Variants in NFIB observed in about 807,000 individuals in gnomAD.
NFIB encodes the protein nuclear factor I B.
In NFIB, 11 loss-of-function variants were observed where a neutral mutation model predicts 61.5. The ratio of observed to expected loss-of-function variants is 0.18; its 90% CI spans 0.11 to 0.30. NFIB has a LOEUF of 0.30. Among genes scored for constraint, NFIB ranks in the 10% least tolerant of loss-of-function variants. NFIB has a pLI of 1.00. For synonymous variants in NFIB, 260 were observed against 216.5 expected (o/e 1.20, Z -1.76); for missense variants, 471 against 608.9 (o/e 0.77, Z 2.38).
intron 1 of NFIB, among the ~76,000 whole-genome samples, chr9:14,369,503 C>T (rs1426910969): frequency 6.6e-6 from 1 of 151,946 alleles, no homozygotes; most frequent in African/African-American, 2.4e-5. Flanking sequence ...ATCTACCTAC[C>T]AGAGTCTTCA....
intron 2 of NFIB, among the ~76,000 whole-genome samples, chr9:14,187,569 T>C (rs2047518595): frequency 6.6e-6 from 1 of 152,180 alleles, no homozygotes; most frequent in Admixed American, 6.6e-5. Flanking sequence ...AGAGTAGATA[T>C]ACGATATATC....
At chr9:14,493,496 T>TA in the NFIB span, among the ~76,000 whole-genome samples, 1 of 152,338 alleles carries the variant, frequency 6.6e-6, no homozygotes, top group East Asian at 1.9e-4. Flanking sequence ...AATTCTCCCA[T>TA]AATAGCATCA....
the NFIB span, among the ~76,000 whole-genome samples, chr9:14,425,492 C>A: frequency 2.6e-5 from 4 of 151,940 alleles, no homozygotes; most frequent in African/African-American, 7.2e-5. Flanking sequence ...TTGTAGAGAT[C>A]TGGGGAAAAG....
chr9:14,278,816 C>T (rs184707074), intron 2 of NFIB, among the ~76,000 whole-genome samples: 1 of 152,200 alleles, frequency 6.6e-6, no homozygotes, highest in African/African-American at 2.4e-5. Flanking sequence ...TGTCACTTGT[C>T]CACTGTATTT....
At chr9:14,222,240 C>T (rs1337401374) in intron 2 of NFIB, among the ~76,000 whole-genome samples, 1 of 152,158 alleles carries the variant, frequency 6.6e-6, no homozygotes, top group Non-Finnish European at 1.5e-5. Context: ...CAAACACTGG[C>T]AGAAACTCCC....
At chr9:14,328,287 G>A (rs1318723462) in intron 1 of NFIB, among the ~76,000 whole-genome samples, 1 of 152,070 alleles carries the variant, frequency 6.6e-6, no homozygotes, top group East Asian at 1.9e-4. Context: ...GCCACCACAG[G>A]TGTGCACCAC....
intron 10 of NFIB, among the ~76,000 whole-genome samples, chr9:14,091,160 C>A (rs2033838072): frequency 6.6e-6 from 1 of 151,694 alleles, no homozygotes; most frequent in Admixed American, 6.6e-5. Flanking sequence ...ACTATGCAGA[C>A]CCCATATATG....
At chr9:14,173,594 G>A (rs567032910) in intron 3 of NFIB, among the ~76,000 whole-genome samples, 26 of 152,254 alleles carry the variant, frequency 1.7e-4, no homozygotes, top group Admixed American at 1.2e-3. Context: ...TCTGCTGGCT[G>A]AAAAATCTAC....
chr9:14,219,195 G>C (rs900405615), intron 2 of NFIB, among the ~76,000 whole-genome samples: 39 of 152,156 alleles, frequency 2.6e-4, no homozygotes, highest in African/African-American at 8.7e-4. Flanking sequence ...CATGTTTAAA[G>C]GAGTTTTGCA....
At chr9:14,347,297 C>A (rs999054612) in intron 1 of NFIB, 2 of 152,286 alleles carry the variant, frequency 1.3e-5, no homozygotes, top group East Asian at 1.9e-4. Flanking sequence ...AAACGAACTC[C>A]GTCCCCTGCA....
intron 2 of NFIB, 44 bp from the exon 3 acceptor site, chr9:14,179,824 G>C (rs369593017): frequency 6.3e-7 from 1 of 1,595,672 alleles, no homozygotes; most frequent in Admixed American, 1.7e-5. Flanking sequence ...AATTTGTTTT[G>C]AAAGAATTTC....
the NFIB span, among the ~76,000 whole-genome samples, chr9:14,470,217 T>C: frequency 3.9e-5 from 6 of 152,174 alleles, no homozygotes; most frequent in African/African-American, 9.7e-5. Flanking sequence ...ACAGCTGTTA[T>C]TGTCATTGCA....
intron 6 of NFIB, among the ~76,000 whole-genome samples, chr9:14,131,968 T>C (rs1479431353): frequency 2.6e-5 from 4 of 152,146 alleles, no homozygotes; most frequent in African/African-American, 9.7e-5. Context: ...GCTTTTCCAA[T>C]ATGCTCGAGT....
intron 10 of NFIB, among the ~76,000 whole-genome samples, chr9:14,106,461 A>G (rs894801286): frequency 2.6e-5 from 4 of 152,130 alleles, no homozygotes; most frequent in Admixed American, 6.6e-5. Flanking sequence ...GTTTAAACAA[A>G]TAAGAAAGAT....
Position 14,155,876 on chromosome 9 carries a change from A to G in NFIB, c.634T>C (p.Phe212Leu). Residue 212 changes from phenylalanine to leucine, a missense_variant, in exon 4 of 11, where the codon TTT (phenylalanine) becomes CTT (leucine). Phe to Leu is a conservative substitution (Grantham distance 22). Coordinates refer to ENST00000380953, the MANE Select transcript of NFIB (RefSeq NM_001190737.2). ...KNPPGYLEDSFVKSGVFNVSE... is the reference protein window; with the variant it reads ...KNPPGYLEDSLVKSGVFNVSE... ...ACATTGAAGACTCCAGATTTTACAA[A>G]ACTATCCTCAAGGTAACCTGAAAAT... 6.3e-7 allele frequency: 1 copy of G among 1,581,324 alleles called. No individual in the cohort carries two copies. The highest frequency in any genetic ancestry group is 1.2e-5 in the South Asian group (1 of 86,222).
chr9:14,388,939 T>G (rs530133820), intron 1 of NFIB, among the ~76,000 whole-genome samples: 2 of 152,288 alleles, frequency 1.3e-5, no homozygotes, highest in African/African-American at 4.8e-5. Flanking sequence ...AGGAAGTTTT[T>G]AAAATTTTTC....
chr9:14,179,711 T>G lies in NFIB; in HGVS notation c.616+16A>C. On this transcript the variant is annotated intron_variant, in intron 3 of 10. Coordinates refer to ENST00000380953, the MANE Select transcript of NFIB (RefSeq NM_001190737.2). Reference sequence around the variant, plus strand: ...CAACAATGTCAGATTGCAAATGTCCTGGAACACATATTTACCTGGAGGATT... The same window carrying G: ...CAACAATGTCAGATTGCAAATGTCCGGGAACACATATTTACCTGGAGGATT... 6.2e-7 allele frequency: 1 copy of G among 1,613,330 alleles called. No homozygotes were observed. Among genetic ancestry groups the G allele is most frequent in the South Asian group, 1.1e-5 (1 of 91,028 alleles).
the NFIB span, among the ~76,000 whole-genome samples, chr9:14,474,635 C>T: frequency 2.6e-5 from 4 of 152,176 alleles, no homozygotes; most frequent in Non-Finnish European, 4.4e-5. Flanking sequence ...ATGATTCATT[C>T]TGAGGCCAAA....
chr9:14,129,822 G>C (rs558010022), intron 6 of NFIB, among the ~76,000 whole-genome samples: 1 of 152,102 alleles, frequency 6.6e-6, no homozygotes, highest in Non-Finnish European at 1.5e-5. Flanking sequence ...CTTGAATAAT[G>C]CATACATAAT....
Sources: gnomAD v4.1 joint callset for allele counts (sites outside exome capture counted in the v4.1 genomes callset) on GRCh38, gnomAD v4.1.1 for gene constraint, MANE v1.5 for transcripts, NCBI Gene and HGNC (gene_info 2026-07-23, HGNC 2026-07-21) for gene names.